Variants in SEMA6D observed in about 807,000 individuals in gnomAD.
SEMA6D encodes the protein semaphorin-6D.
In SEMA6D, 35 loss-of-function variants were observed where a neutral mutation model predicts 106.6. The ratio of observed to expected loss-of-function variants is 0.33; its 90% CI spans 0.25 to 0.44. The LOEUF is 0.44. SEMA6D is among the 20% of genes least tolerant of loss of function. The pLI is 1.00. For missense variants in SEMA6D, 1,185 were observed against 1,345.9 expected, an observed-to-expected ratio of 0.88 and a Z score of 1.87; for synonymous variants, 499 against 487.7, an observed-to-expected ratio of 1.02 and a Z score of -0.31.
chr15:47,316,067 A>G (rs1473585288), intron 1 of SEMA6D, among the ~76,000 whole-genome samples: 1 of 105,902 alleles, frequency 9.4e-6, no homozygotes, highest in South Asian at 3.0e-4. Context: ...GGACAGTTTT[A>G]TTTCTTGCTT....
intron 1 of SEMA6D, among the ~76,000 whole-genome samples, chr15:47,355,914 C>T (rs1056485579): frequency 6.6e-6 from 1 of 152,172 alleles, no homozygotes; most frequent in African/African-American, 2.4e-5. Flanking sequence ...TCTTCCAAGT[C>T]TCTGTTTACA....
chr15:47,653,466 T>G (rs532694251), intron 4 of SEMA6D, among the ~76,000 whole-genome samples: 2 of 152,312 alleles, frequency 1.3e-5, no homozygotes, highest in South Asian at 4.1e-4. Flanking sequence ...AGCAAGACCT[T>G]TAGAGAACAG....
At chr15:47,459,874 T>C (rs1443842096) in intron 2 of SEMA6D, among the ~76,000 whole-genome samples, 2 of 152,016 alleles carry the variant, frequency 1.3e-5, no homozygotes, top group Non-Finnish European at 2.9e-5. Flanking sequence ...AAATATACTG[T>C]ATTTGGTTCT....
chr15:47,209,414 G>A (rs559888959), intron 1 of SEMA6D, among the ~76,000 whole-genome samples: 1 of 152,280 alleles, frequency 6.6e-6, no homozygotes, highest in East Asian at 1.9e-4. Flanking sequence ...GCAAATGCTA[G>A]AGGAGTTTTG....
intron 3 of SEMA6D, among the ~76,000 whole-genome samples, chr15:47,600,422 G>A (rs1476598739): frequency 6.6e-6 from 1 of 152,004 alleles, no homozygotes; most frequent in African/African-American, 2.4e-5. Context: ...GAGATATGAT[G>A]TTGCATTTCA....
At chr15:47,717,796 C>T (rs12592594) in intron 1 of SEMA6D, 104 bp downstream of exon 1, 65,933 of 119,104 alleles carry the variant, frequency 0.55, 20,737 homozygotes, top group Middle Eastern at 0.63. Flanking sequence ...TGTGTGTGTG[C>T]GCGCGGTGGG....
At chr15:47,222,858 C>T (rs1488551402) in intron 1 of SEMA6D, among the ~76,000 whole-genome samples, 1 of 152,100 alleles carries the variant, frequency 6.6e-6, no homozygotes, top group Non-Finnish European at 1.5e-5. Flanking sequence ...GTCCTGATAC[C>T]AGGAGCTCAA....
At chr15:47,364,390 C>G (rs772568029) in intron 1 of SEMA6D, among the ~76,000 whole-genome samples, 1 of 151,940 alleles carries the variant, frequency 6.6e-6, no homozygotes, top group Admixed American at 6.6e-5. Context: ...ATCAGTCACT[C>G]GAAAGATGCC....
intron 1 of SEMA6D, among the ~76,000 whole-genome samples, chr15:47,211,382 G>C (rs2141225178): frequency 6.6e-6 from 1 of 152,258 alleles, no homozygotes; most frequent in East Asian, 1.9e-4. Context: ...AATGGGGACA[G>C]TTTATAAAGC....
At chr15:47,569,878 T>G (rs1269775330) in intron 3 of SEMA6D, among the ~76,000 whole-genome samples, 1 of 151,984 alleles carries the variant, frequency 6.6e-6, no homozygotes, top group Non-Finnish European at 1.5e-5. Flanking sequence ...CTGGCCAACA[T>G]GGTGACAACC....
intron 2 of SEMA6D, among the ~76,000 whole-genome samples, chr15:47,436,809 C>T (rs1464460431): frequency 6.8e-6 from 1 of 147,870 alleles, no homozygotes; most frequent in East Asian, 2.0e-4. Flanking sequence ...TGGTGCATGC[C>T]TATAGTCCTA....
At chr15:47,368,949 A>T (rs78785110) in intron 1 of SEMA6D, among the ~76,000 whole-genome samples, 7 of 152,190 alleles carry the variant, frequency 4.6e-5, no homozygotes, top group African/African-American at 1.7e-4. Flanking sequence ...GGGTTCTTGG[A>T]TGGAGAGCTA....
intron 1 of SEMA6D, chr15:47,397,935 A>G (rs897763659): frequency 6.6e-6 from 1 of 152,218 alleles, no homozygotes; most frequent in Non-Finnish European, 1.5e-5. Flanking sequence ...GAATAACAGT[A>G]TCTTTCAAAA....
At chr15:47,321,128 A>G (rs2036906036) in intron 1 of SEMA6D, among the ~76,000 whole-genome samples, 1 of 152,198 alleles carries the variant, frequency 6.6e-6, no homozygotes, top group African/African-American at 2.4e-5. Flanking sequence ...AAAAATTAAT[A>G]TGAAATATAT....
chr15:47,694,381 T>A (rs1566992390), intron 4 of SEMA6D, among the ~76,000 whole-genome samples: 1 of 152,130 alleles, frequency 6.6e-6, no homozygotes, highest in Non-Finnish European at 1.5e-5. Context: ...CTCAGTCAGG[T>A]ACATGACACC....
rs567347630 is a variant in SEMA6D at position 47,681,233 on chromosome 15, A to G, written c.-54-78512A>G. Among the ~76,000 whole-genome samples, 17 of 152,358 alleles carry G rather than the reference A, an allele frequency of 1.1e-4. No homozygotes were observed. In the East Asian group the frequency reaches 3.1e-3, roughly 28 times the overall value. On this transcript the variant is annotated intron_variant, in intron 4 of 19. Coordinates refer to the SEMA6D transcript ENST00000558014. ...ATGGATTTATGAATGGGCAGAGAAA[A>G]TAGTATGTACATACATTGAGATATT...
At chr15:47,242,005 G>A (rs767855547) in intron 1 of SEMA6D, among the ~76,000 whole-genome samples, 18 of 152,180 alleles carry the variant, frequency 1.2e-4, no homozygotes, top group African/African-American at 3.6e-4. Flanking sequence ...AGGCAGTCAC[G>A]GGTATGAATT....
At chr15:47,483,196 G>T (rs2043202128) in intron 3 of SEMA6D, among the ~76,000 whole-genome samples, 1 of 152,098 alleles carries the variant, frequency 6.6e-6, no homozygotes, top group Non-Finnish European at 1.5e-5. Context: ...CAGAATATTT[G>T]CTGGAAAACC....
intron 3 of SEMA6D, among the ~76,000 whole-genome samples, chr15:47,576,838 C>A (rs2076163852): frequency 6.6e-6 from 1 of 152,168 alleles, no homozygotes; most frequent in East Asian, 1.9e-4. Flanking sequence ...ACAAAATGAG[C>A]CTTACGCGGC....
Sources: allele counts gnomAD v4.1 joint callset (sites outside exome capture counted in the v4.1 genomes callset), GRCh38; gene constraint gnomAD v4.1.1; transcripts MANE v1.5; gene names NCBI Gene and HGNC (gene_info 2026-07-23, HGNC 2026-07-21).